The following CSPP1 variants were observed in gnomAD, a reference collection of about 807,000 sequenced individuals.
The protein encoded by CSPP1 is centrosome and spindle pole-associated protein 1.
In CSPP1, 126 loss-of-function variants were observed where a neutral mutation model predicts 164.4. The observed-to-expected ratio is 0.77, with a 90% CI of 0.66 to 0.89. The LOEUF is 0.89. CSPP1 is among the 40% of genes least tolerant of loss of function. The pLI, the probability that CSPP1 is intolerant of heterozygous loss-of-function variation, is 0.00. For missense variants in CSPP1, 1,395 were observed against 1,449.8 expected (o/e 0.96, Z 0.61); for synonymous variants, 472 against 476.7 (o/e 0.99, Z 0.13).
At chr8:67,069,222 A>G (rs1460094668) in intron 1 of CSPP1, 1 of 152,248 alleles carries the variant, frequency 6.6e-6, no homozygotes, top group Non-Finnish European at 1.5e-5. Context: ...CATTACCAGG[A>G]GAAAGCTCAT....
Position 67,116,075 on chromosome 8 carries a change from T to A in CSPP1, c.1449T>A (p.Asp483Glu). ...SVHPVPSQNE[D>E]LRSGLSSALG... The stretch of plus-strand genomic sequence containing the variant: ...ATCCTGTTCCTTCTCAAAATGAAGA[T>A]TTGCGCAGTGGACTCAGCAGCGCCC... Residue 483 changes from aspartate to glutamate, a missense_variant, in exon 13 of 31, where the codon GAT becomes GAA. Transcript: ENST00000678616. 3 of 1,614,112 alleles carry A rather than the reference T, an allele frequency of 1.9e-6. No individual in the cohort carries two copies. Among genetic ancestry groups the A allele is most frequent in the Non-Finnish European group, 2.5e-6 (3 of 1,180,018 alleles).
intron 19 of CSPP1, among the ~76,000 whole-genome samples, chr8:67,156,416 A>C (rs1826678005): frequency 6.6e-6 from 1 of 152,118 alleles, no homozygotes; most frequent in African/African-American, 2.4e-5. Flanking sequence ...AGCTTTAACT[A>C]TTTTAGTTTC....
In CSPP1 at chr8:67,103,071, A is replaced by G. The variant is rs775759544; in HGVS notation, c.958A>G (p.Met320Val). Residue 320 changes from methionine to valine, a missense_variant, in exon 8 of 31, where the codon ATG becomes GTG. Physicochemically the swap from Met to Val is conservative, Grantham distance 21 (BLOSUM62 1). Transcript: ENST00000678616. ...HRNKRGNMPP[M>V]EHDGDVIEQS... is the part of the protein sequence containing the mutation. The stretch of plus-strand genomic sequence containing the variant: ...GAACAAACGAGGGAATATGCCTCCT[A>G]TGGAACATGATGGGGATGTTATAGA... 60 of 1,611,632 alleles carry G rather than the reference A, an allele frequency of 3.7e-5. No homozygotes were observed. In the East Asian group the frequency reaches 7.1e-4, roughly 19 times the overall value.
intron 8 of CSPP1, 53 bp downstream of exon 8, chr8:67,103,188 AT>A: frequency 9.0e-7 from 1 of 1,105,612 alleles, no homozygotes; most frequent in South Asian, 1.3e-5. Context: ...GTGAAACAGA[AT>A]GTGCCTAAAA....
chr8:67,170,899 G>C (rs949533815), intron 24 of CSPP1, among the ~76,000 whole-genome samples: 4 of 151,708 alleles, frequency 2.6e-5, no homozygotes, highest in Admixed American at 6.6e-5. Flanking sequence ...CCGTTCTCCT[G>C]CCTCAGCCTC....
intron 8 of CSPP1, among the ~76,000 whole-genome samples, chr8:67,103,813 C>A (rs143068820): frequency 0.041 from 5,528 of 133,378 alleles, 146 homozygotes; most frequent in Middle Eastern, 0.09. Context: ...GCACTCCAGT[C>A]TGGGCAACAG....
At chr8:67,076,810 A>G (rs943375015) in intron 3 of CSPP1, among the ~76,000 whole-genome samples, 7 of 152,214 alleles carry the variant, frequency 4.6e-5, no homozygotes, top group Non-Finnish European at 8.8e-5. Flanking sequence ...TTATAGAAGA[A>G]GGTGTGTATA....
At chr8:67,121,831 T>C (rs1274183438) in intron 15 of CSPP1, among the ~76,000 whole-genome samples, 2 of 152,170 alleles carry the variant, frequency 1.3e-5, no homozygotes, top group Non-Finnish European at 2.9e-5. Flanking sequence ...TCAGTCTCTT[T>C]AGTAACTAGT....
Position 67,149,929 on chromosome 8 carries a change from A to G in CSPP1, c.2122A>G (p.Ser708Gly), listed in dbSNP as rs201316149. The G allele has an allele frequency of 4.2e-4, 651 of 1,557,668 alleles. 10 individuals carry two copies. In the South Asian group the frequency reaches 7.5e-3, roughly 18 times the overall value. ...GAACCTAGAAGATGCTGCAAATAAA[A>G]GCTCAGGTTTTTAATCACTTTTTTT... ...AENLEDAANKSSGHMQTQSSP... is the reference protein window; with the variant it reads ...AENLEDAANKGSGHMQTQSSP... The change falls in exon 18 of 31, where the codon AGC becomes GGC. Residue 708 changes from serine (S) to glycine (G), a missense_variant. Coordinates refer to ENST00000678616, the MANE Select transcript of CSPP1 (RefSeq NM_001382391.1).
At chr8:67,068,877 C>T (rs921246602) in intron 1 of CSPP1, among the ~76,000 whole-genome samples, 2 of 152,170 alleles carry the variant, frequency 1.3e-5, no homozygotes, top group Non-Finnish European at 2.9e-5. Flanking sequence ...GTCCAAGAAC[C>T]GAGATACCAA....
intron 20 of CSPP1, 23 bp from the exon 21 acceptor site, chr8:67,158,968 A>G: frequency 1.3e-6 from 2 of 1,562,002 alleles, no homozygotes; most frequent in Non-Finnish European, 1.7e-6. Context: ...TATGGAATGC[A>G]TATTTCTCTT....
intron 21 of CSPP1, among the ~76,000 whole-genome samples, chr8:67,159,509 CTTTTTT>C (rs1172369424): frequency 5.5e-4 from 27 of 48,906 alleles, no homozygotes; most frequent in African/African-American, 1.4e-3. Context: ...TATATGTATT[CTTTTTT>C]TTTTTTTTTT....
intron 1 of CSPP1, among the ~76,000 whole-genome samples, chr8:67,071,610 A>G (rs936597806): frequency 6.6e-6 from 1 of 152,192 alleles, no homozygotes; most frequent in Non-Finnish European, 1.5e-5. Context: ...AACTTAACAT[A>G]TGTAAACCAA....
rs977783242 is a variant in CSPP1, at chr8:67,163,864, T to C, written c.2710+66T>C. 3.9e-6 allele frequency: 5 copies of C among 1,275,480 alleles called. No individual in the cohort carries two copies. In the African/African-American group the frequency reaches 7.4e-5, roughly 19 times the overall value. 79.0% of individuals were successfully genotyped at this position (1,275,480 alleles called of 1,614,324 possible). A position where few individuals can be genotyped will look rare whatever the true frequency, so the allele number is the denominator to read the frequency against. ...TTTTTAACTTTTCATTTTGAAATAATTATAAACTCATAGAAAATTGCAGAA... is the reference window on the plus strand; with the variant it reads ...TTTTTAACTTTTCATTTTGAAATAACTATAAACTCATAGAAAATTGCAGAA... On this transcript the variant is annotated intron_variant, in intron 23 of 30. Transcript: ENST00000678616.
intron 1 of CSPP1, 22 bp downstream of exon 1, chr8:67,064,560 G>C: frequency 6.3e-7 from 1 of 1,584,050 alleles, no homozygotes; most frequent in Non-Finnish European, 8.6e-7. Flanking sequence ...GGTGGTGTAG[G>C]TTGAGGGTGG....
chr8:67,178,832 A>G (rs1832306249), intron 27 of CSPP1, among the ~76,000 whole-genome samples: 1 of 152,190 alleles, frequency 6.6e-6, no homozygotes, highest in Admixed American at 6.5e-5. Context: ...CTTGGGGGCC[A>G]TTCTGGGACT....
At chr8:67,128,981 T>C (rs1252476800) in intron 15 of CSPP1, among the ~76,000 whole-genome samples, 1 of 152,184 alleles carries the variant, frequency 6.6e-6, no homozygotes, top group African/African-American at 2.4e-5. Flanking sequence ...ATGGTTAAAA[T>C]ATGTAAAGTG....
Position 67,183,866 on chromosome 8 carries a change from T to C in CSPP1, c.3220+3940T>C, listed in dbSNP as rs1833664883. Among the ~76,000 whole-genome samples the C allele has an allele frequency of 2.0e-5, 3 of 149,398 alleles. No homozygotes were observed. In the South Asian group the frequency reaches 6.4e-4, roughly 32 times the overall value. On this transcript the variant is annotated intron_variant, in intron 28 of 30. Coordinates refer to ENST00000678616, the MANE Select transcript of CSPP1 (RefSeq NM_001382391.1). ...GAATTTTTTTTTTTTTTTTTTTTTT[T>C]TTTTTAGACAAAGTCTTGCTGTTGT...
At position 67,074,377 on chromosome 8, in the gene CSPP1, A is replaced by G. The variant is rs561709928; in HGVS notation, c.99+26A>G. 622 of 1,379,978 alleles carry G rather than the reference A, an allele frequency of 4.5e-4. 8 individuals carry two copies. In the South Asian group the frequency reaches 7.3e-3, roughly 16 times the overall value. The allele number at this position is 1,379,978 out of a possible 1,614,324, so 85.5% of individuals were successfully genotyped here. A position where few individuals can be genotyped will look rare whatever the true frequency, so the allele number is the denominator to read the frequency against. ...GTAAATTTAATAATTTTCTTTGAAC[A>G]TGTTTTATTATAATTGTCTATGGAG... On this transcript the variant is annotated intron_variant, in intron 2 of 30. Coordinates refer to ENST00000678616, the MANE Select transcript of CSPP1 (RefSeq NM_001382391.1).
Sources: gnomAD v4.1 joint callset for allele counts (sites outside exome capture counted in the v4.1 genomes callset) on GRCh38, gnomAD v4.1.1 for gene constraint, MANE v1.5 for transcripts, NCBI Gene and HGNC (gene_info 2026-07-23, HGNC 2026-07-21) for gene names.